The following FLNC variants were observed in gnomAD, a reference collection of about 807,000 sequenced individuals.
FLNC encodes filamin-C.
A neutral mutation model predicts 254.3 loss-of-function variants in FLNC; 91 were observed. The observed-to-expected ratio is 0.36, with a 90% CI of 0.30 to 0.43. The LOEUF (loss-of-function observed/expected upper bound fraction) is 0.43, where lower values mean the gene tolerates loss of function less well. FLNC is among the 20% of genes least tolerant of loss of function. The probability of loss-of-function intolerance (pLI) is 1.00; values close to 1 mark genes in which losing one functional copy is unlikely to be tolerated. For synonymous variants in FLNC, 1,430 were observed against 1,577.2 expected, an observed-to-expected ratio of 0.91 and a Z score of 2.21; for missense variants, 2,853 against 3,802.6, an observed-to-expected ratio of 0.75 and a Z score of 6.57.
At position 128,855,184 on chromosome 7, in the gene FLNC, G is replaced by A. The variant is rs1809004158; in HGVS notation, c.7136-15G>A. On this transcript the variant is annotated splice_polypyrimidine_tract_variant and intron_variant, in intron 42 of 47. Coordinates refer to ENST00000325888, the MANE Select transcript of FLNC (RefSeq NM_001458.5). ...CTCCATCCCGGAACCTGTGCTGACT[G>A]GTCTCTCTCCCCAGGTGACTATGAG... 1.3e-6 allele frequency: 2 copies of A among 1,567,652 alleles called. No homozygotes were observed. The highest frequency in any genetic ancestry group is 1.7e-5 in the Admixed American group (1 of 59,962).
chr7:128,839,909 C>T (rs913121633), intron 8 of FLNC, 114 bp from the exon 9 acceptor site: 6 of 1,355,148 alleles, frequency 4.4e-6, no homozygotes, highest in Non-Finnish European at 4.1e-6. Flanking sequence ...CAGAGCAGGG[C>T]CGTGGGCCAC....
chr7:128,847,298 C>T (rs893446757), intron 24 of FLNC, among the ~76,000 whole-genome samples: 6 of 152,238 alleles, frequency 3.9e-5, no homozygotes, highest in South Asian at 2.1e-4. Flanking sequence ...CCCAGCTGCC[C>T]GGGCAGGTCA....
chr7:128,857,811 A>C lies in FLNC; in HGVS notation c.7781-197A>C, dbSNP rs908874560. Among the ~76,000 whole-genome samples, 5 of 152,196 alleles carry C rather than the reference A, an allele frequency of 3.3e-5. No individual in the cohort carries two copies. The highest frequency in any genetic ancestry group is 1.2e-4 in the African/African-American group (5 of 41,426). ...GGCCCCAGCCCTAGGGTGGAGCACCAGTTGGAGCTGGCAGCTCAGGGCCCT... is the reference window on the plus strand; with the variant it reads ...GGCCCCAGCCCTAGGGTGGAGCACCCGTTGGAGCTGGCAGCTCAGGGCCCT... On this transcript the variant is annotated intron_variant, in intron 46 of 47. Transcript: ENST00000325888. This position sits in a 1 kb window ranked among gnomAD's most constrained non-coding sequence, Gnocchi z 4.5.
chr7:128,837,175 G>T lies in FLNC; in HGVS notation c.617G>T (p.Trp206Leu). Residue 206 changes from tryptophan to leucine, a missense_variant, in exon 3 of 48, where the codon TGG becomes TTG. By Grantham distance (61) the Trp-to-Leu change is moderately conservative. This residue lies in a region of FLNC where 115 missense variants were observed against 230.3 expected (regional missense o/e 0.50). Transcript: ENST00000325888. ...DNCAPGLCPDWEAWDPNQPVE... is the reference protein window; with the variant it reads ...DNCAPGLCPDLEAWDPNQPVE... The stretch of plus-strand genomic sequence containing the variant: ...ACCTCTCCAGGTCTCTGCCCCGACT[G>T]GGAGGCCTGGGACCCCAACCAGCCC... The T allele has an allele frequency of 6.2e-7, 1 of 1,602,170 alleles. No individual in the cohort carries two copies. Among genetic ancestry groups the T allele is most frequent in the East Asian group, 2.3e-5 (1 of 44,358 alleles).
chr7:128,833,540 G>A (rs1807974603), intron 1 of FLNC, among the ~76,000 whole-genome samples: 1 of 152,170 alleles, frequency 6.6e-6, no homozygotes, highest in Non-Finnish European at 1.5e-5. Context: ...ACCACTTGCT[G>A]TCTGGCCCAG....
rs765830018 is a variant in FLNC, at chr7:128,830,595, A to G, written c.-43A>G. On this transcript the variant is annotated 5_prime_UTR_variant, in exon 1 of 48. Transcript: ENST00000325888. ...GCGCCCGACAGCCCCCGATAGCCCA[A>G]ACCGCGGCCCTAGCCCCGGCCGCAC... The G allele has an allele frequency of 5.7e-5, 91 of 1,584,080 alleles. No homozygotes were observed. Among genetic ancestry groups the G allele is most frequent in the South Asian group, 2.6e-4 (23 of 89,570 alleles).
Position 128,849,417 on chromosome 7 carries a change from T to C in FLNC, c.5038T>C (p.Cys1680Arg). 6.2e-7 allele frequency: 1 copy of C among 1,614,168 alleles called. No individual in the cohort carries two copies. Among genetic ancestry groups the C allele is most frequent in the Non-Finnish European group, 8.5e-7 (1 of 1,180,028 alleles). Residue 1680 changes from cysteine (C) to arginine (R), a missense_variant, in exon 30 of 48, where the codon TGC becomes CGC. Physicochemically the swap from Cys to Arg is radical, Grantham distance 180 (BLOSUM62 -3). Around this residue, in one of 10 missense-constraint regions of FLNC, gnomAD observed 258 missense variants for 312.3 expected, o/e 0.83. Transcript: ENST00000325888. Reference protein sequence around the residue: ...AKAAGEGKVTCTVSTPDGAEL... With the variant: ...AKAAGEGKVTRTVSTPDGAEL... ...GGCAGCCGGTGAGGGGAAGGTGACA[T>C]GCACGGTGTCCACGCCGGATGGGGC...
intron 2 of FLNC, 44 bp from the exon 3 acceptor site, chr7:128,837,116 G>T: frequency 2.2e-6 from 3 of 1,354,706 alleles, no homozygotes; most frequent in Non-Finnish European, 3.1e-6. Context: ...CATCCTGGCC[G>T]GCTGGCTGCC....
chr7:128,840,834 C>A lies in FLNC; in HGVS notation c.1677C>A (p.Ser559Arg). The A allele has an allele frequency of 6.2e-7, 1 of 1,613,708 alleles. No homozygotes were observed. Among genetic ancestry groups the A allele is most frequent in the Non-Finnish European group, 8.5e-7 (1 of 1,179,886 alleles). The part of the protein sequence containing the change: ...ITWGGYAIPR[S>R]PFEVQVSPEA... ...GGACACCAGCTCCCTCTCTGCCCAG[C>A]CCCTTTGAGGTACAGGTGAGCCCAG... Residue 559 changes from serine to arginine, a missense_variant and splice_region_variant, in exon 11 of 48, where the codon AGC becomes AGA. This residue lies in a region of FLNC where 1,573 missense variants were observed against 1,883.5 expected (regional missense o/e 0.84). Coordinates refer to ENST00000325888, the MANE Select transcript of FLNC (RefSeq NM_001458.5).
At position 128,835,650 on chromosome 7, in the gene FLNC, G is replaced by A. The variant is rs565277154; in HGVS notation, c.601+76G>A. On this transcript the variant is annotated intron_variant, in intron 2 of 47. Coordinates refer to ENST00000325888, the MANE Select transcript of FLNC (RefSeq NM_001458.5). This position sits in a 1 kb window ranked among gnomAD's most constrained non-coding sequence, Gnocchi z 5.3. ...GGGGACAAGCTGGGGCTGCCAAGGC[G>A]TGTGGTTGTCAGAATGCACACCCTG... 8.4e-5 allele frequency: 129 copies of A among 1,535,166 alleles called. No homozygotes were observed. Among genetic ancestry groups the A allele is most frequent in the Middle Eastern group, 1.8e-4 (1 of 5,452 alleles).
chr7:128,837,088 G>A (rs1434096415), intron 2 of FLNC, 72 bp from the exon 3 acceptor site: 3 of 1,024,154 alleles, frequency 2.9e-6, no homozygotes, highest in Non-Finnish European at 4.5e-6. Context: ...TGAGGGTGTT[G>A]GGTGAACAAA....
At chr7:128,844,380 G>A (rs1211051693) in intron 20 of FLNC, 114 bp downstream of exon 20, 3 of 1,334,928 alleles carry the variant, frequency 2.2e-6, no homozygotes, top group Non-Finnish European at 2.0e-6. Context: ...GCACAGCCAA[G>A]GGTGTGGGGC....
In FLNC at chr7:128,835,972, T is replaced by C. The variant is rs1268529416; in HGVS notation, c.601+398T>C. ...TCCTGCCGAGCTGAGAGAGAGGCAG[T>C]GTGGTGACCAGGACTTGTAGCAAGA... On this transcript the variant is annotated intron_variant, in intron 2 of 47. Coordinates refer to ENST00000325888, the MANE Select transcript of FLNC (RefSeq NM_001458.5). This position sits in a 1 kb window ranked among gnomAD's most constrained non-coding sequence, Gnocchi z 5.3. Among the ~76,000 whole-genome samples the C allele has an allele frequency of 2.6e-5, 4 of 151,994 alleles. No homozygotes were observed. Among genetic ancestry groups the C allele is most frequent in the Non-Finnish European group, 4.4e-5 (3 of 68,000 alleles).
At chr7:128,849,858 C>T (rs535717188) in intron 30 of FLNC, 118 bp from the exon 31 acceptor site, 17 of 838,038 alleles carry the variant, frequency 2.0e-5, no homozygotes, top group Non-Finnish European at 3.3e-5. Flanking sequence ...GGCTGCCCTG[C>T]AGGAGGATGA....
intron 24 of FLNC, 76 bp downstream of exon 24, chr7:128,846,981 TG>T: frequency 1.3e-6 from 2 of 1,562,274 alleles, no homozygotes; most frequent in Non-Finnish European, 1.8e-6. Context: ...AGGGGGAAAC[TG>T]GAAGGAAGTT....
chr7:128,854,847 C>A lies in FLNC; in HGVS notation c.7070C>A (p.Ala2357Glu). Residue 2357 changes from alanine (A) to glutamate (E), a missense_variant, in exon 42 of 48, where the codon GCG (alanine) becomes GAG (glutamate). This residue lies in a region of FLNC where 551 missense variants were observed against 835.0 expected (regional missense o/e 0.66). Coordinates refer to ENST00000325888, the MANE Select transcript of FLNC (RefSeq NM_001458.5). ...ATTGCTGTGGAGGGTCCTAGCAAAG[C>A]GGAGATTGCATTTGAGGATCGCAAA... The part of the protein sequence containing the change: ...LSIAVEGPSK[A>E]EIAFEDRKDG... 6.2e-7 allele frequency: 1 copy of A among 1,614,026 alleles called. No homozygotes were observed. Among genetic ancestry groups the A allele is most frequent in the Admixed American group, 1.7e-5 (1 of 60,016 alleles).
chr7:128,840,696 T>C (rs753503599), intron 10 of FLNC, 22 bp downstream of exon 10: 1 of 1,612,644 alleles, frequency 6.2e-7, no homozygotes, highest in Non-Finnish European at 8.5e-7. Context: ...GCGCCCCCCA[T>C]GCTGTCCTGT....
In FLNC at chr7:128,850,810, G is replaced by C; in HGVS notation, c.5406G>C (p.Val1802=). The C allele has an allele frequency of 6.2e-7, 1 of 1,613,760 alleles. No individual in the cohort carries two copies. Among genetic ancestry groups the C allele is most frequent in the Non-Finnish European group, 8.5e-7 (1 of 1,180,020 alleles). ...AVQKGELTGE[V]RMPSGKTARP... is the part of the protein sequence containing the mutation. ...ACTGTGTCTGCCCTGCAGGAGAGGT[G>C]CGGATGCCCTCGGGGAAGACGGCAC... Residue 1802 remains valine, a synonymous_variant, in exon 33 of 48, where the codon GTG becomes GTC. Coordinates refer to ENST00000325888, the MANE Select transcript of FLNC (RefSeq NM_001458.5).
intron 28 of FLNC, 51 bp downstream of exon 28, chr7:128,849,033 G>A (rs369796155): frequency 4.8e-5 from 77 of 1,600,532 alleles, no homozygotes; most frequent in African/African-American, 6.7e-5. Flanking sequence ...GCCCCTCAAA[G>A]CCCCTCCAGA....
Sources: gnomAD v4.1 joint callset for allele counts (sites outside exome capture counted in the v4.1 genomes callset) on GRCh38, gnomAD v4.1.1 for gene constraint, gnomAD v4.1.1 regional missense constraint, Gnocchi (gnomAD v3.1) non-coding constraint, MANE v1.5 for transcripts, NCBI Gene and HGNC (gene_info 2026-07-23, HGNC 2026-07-21) for gene names.